Variants in UTRN observed in about 807,000 individuals in gnomAD.
UTRN encodes utrophin, also known as dystrophin-related protein 1.
UTRN carries 283 observed loss-of-function variants against 463.9 expected under a neutral mutation model. The ratio of observed to expected loss-of-function variants is 0.61; its 90% CI spans 0.55 to 0.67. UTRN has a LOEUF of 0.67. UTRN is among the 30% of genes least tolerant of loss of function. UTRN has a pLI of 0.00. For synonymous variants in UTRN, 1,442 were observed against 1,431.5 expected (o/e 1.01, Z -0.17); for missense variants, 3,922 against 4,084.3 (o/e 0.96, Z 1.08).
intron 23 of UTRN, among the ~76,000 whole-genome samples, chr6:144,464,311 T>C (rs1442333233): frequency 6.6e-6 from 1 of 152,086 alleles, no homozygotes; most frequent in Non-Finnish European, 1.5e-5. Context: ...TAATGGGTAG[T>C]TCCAATGAAT....
chr6:144,620,359 TAGCTTCTG>T (rs1442919129), intron 51 of UTRN, among the ~76,000 whole-genome samples: 1 of 152,162 alleles, frequency 6.6e-6, no homozygotes, highest in Non-Finnish European at 1.5e-5. Context: ...ATTGCCCTTT[TAGCTTCTG>T]CTCCTGTTCT....
At chr6:144,524,642 C>G (rs1193885201) in intron 41 of UTRN, among the ~76,000 whole-genome samples, 2 of 152,110 alleles carry the variant, frequency 1.3e-5, no homozygotes, top group African/African-American at 4.8e-5. Context: ...CAAACAGTAA[C>G]AGTTTGAGTT....
intron 34 of UTRN, among the ~76,000 whole-genome samples, chr6:144,509,810 A>T (rs1329088205): frequency 6.6e-6 from 1 of 152,158 alleles, no homozygotes; most frequent in East Asian, 1.9e-4. Flanking sequence ...ACTGTAAAAA[A>T]GTATGTGTAC....
intron 55 of UTRN, among the ~76,000 whole-genome samples, chr6:144,750,735 T>C (rs1791302091): frequency 6.6e-6 from 1 of 152,212 alleles, no homozygotes; most frequent in African/African-American, 2.4e-5. Flanking sequence ...ATTGCTCAAA[T>C]ATCATTTTTG....
chr6:144,601,269 G>GT (rs1353855949), intron 51 of UTRN, among the ~76,000 whole-genome samples: 4 of 152,160 alleles, frequency 2.6e-5, no homozygotes, highest in Admixed American at 2.6e-4. Context: ...GCTAAAGATA[G>GT]TAATTCCTTT....
chr6:144,532,423 CGGCA>C (rs1333020862), intron 42 of UTRN, among the ~76,000 whole-genome samples: 9 of 152,072 alleles, frequency 5.9e-5, no homozygotes, highest in Non-Finnish European at 1.3e-4. Flanking sequence ...CTTCATATGG[CGGCA>C]GGAGAGAGAA....
At chr6:144,448,883 T>A in intron 17 of UTRN, 114 bp downstream of exon 17, 4 of 1,237,648 alleles carry the variant, frequency 3.2e-6, no homozygotes, top group Non-Finnish European at 4.4e-6. Flanking sequence ...ATAATAAGTA[T>A]TATTATTATG....
intron 52 of UTRN, among the ~76,000 whole-genome samples, chr6:144,686,183 C>T (rs1385864178): frequency 6.6e-6 from 1 of 152,006 alleles, no homozygotes; most frequent in East Asian, 1.9e-4. Flanking sequence ...TTTTTGTGTG[C>T]TTTGTCAAAA....
At chr6:144,637,951 A>G (rs984196137) in intron 51 of UTRN, among the ~76,000 whole-genome samples, 3 of 152,208 alleles carry the variant, frequency 2.0e-5, no homozygotes, top group African/African-American at 4.8e-5. Context: ...AGTGAATAGG[A>G]GGATTCAGGA....
chr6:144,774,875 G>A (rs939151882), intron 60 of UTRN, among the ~76,000 whole-genome samples: 30 of 152,260 alleles, frequency 2.0e-4, no homozygotes, highest in African/African-American at 7.2e-4. Flanking sequence ...TCCTGTGGAG[G>A]ATGTGTTCAG....
intron 2 of UTRN, among the ~76,000 whole-genome samples, chr6:144,355,678 T>C (rs1237174043): frequency 8.5e-5 from 13 of 152,322 alleles, no homozygotes. Flanking sequence ...TATAGAAAAG[T>C]TGCAAAGATG....
intron 46 of UTRN, among the ~76,000 whole-genome samples, chr6:144,547,287 G>A (rs1201118558): frequency 6.6e-6 from 1 of 152,096 alleles, no homozygotes; most frequent in Non-Finnish European, 1.5e-5. Context: ...TTCTTTGTCT[G>A]CAATGGGCAT....
intron 39 of UTRN, among the ~76,000 whole-genome samples, chr6:144,518,433 T>G (rs9496994): frequency 6.6e-6 from 1 of 152,224 alleles, no homozygotes; most frequent in Non-Finnish European, 1.5e-5. Context: ...GCTATGCTGG[T>G]TTTTCTTTAC....
At chr6:144,655,799 A>T (rs533604734) in intron 51 of UTRN, among the ~76,000 whole-genome samples, 4 of 152,242 alleles carry the variant, frequency 2.6e-5, no homozygotes, top group Non-Finnish European at 4.4e-5. Flanking sequence ...TGAGCTGTAA[A>T]GAATCTTTTA....
At chr6:144,369,530 C>A (rs1038492094) in intron 2 of UTRN, among the ~76,000 whole-genome samples, 2 of 152,186 alleles carry the variant, frequency 1.3e-5, no homozygotes, top group African/African-American at 4.8e-5. Context: ...GCAGGAGAAT[C>A]GCTTGAACCT....
intron 51 of UTRN, among the ~76,000 whole-genome samples, chr6:144,652,636 G>C (rs1332010433): frequency 6.6e-6 from 1 of 152,204 alleles, no homozygotes; most frequent in Non-Finnish European, 1.5e-5. Flanking sequence ...CACAGTATTA[G>C]ATGACAATAG....
chr6:144,502,376 A>G (rs192440864), intron 34 of UTRN, among the ~76,000 whole-genome samples: 2 of 152,142 alleles, frequency 1.3e-5, no homozygotes, highest in African/African-American at 4.8e-5. Flanking sequence ...CGTCATCTAC[A>G]TTAGGTATTT....
chr6:144,495,535 C>A (rs542522768), intron 33 of UTRN, among the ~76,000 whole-genome samples: 63 of 152,346 alleles, frequency 4.1e-4, no homozygotes, highest in African/African-American at 1.4e-3. Context: ...CTCCACACCT[C>A]CCTGCAAGCT....
intron 51 of UTRN, among the ~76,000 whole-genome samples, chr6:144,625,022 A>G (rs965523619): frequency 2.0e-5 from 3 of 152,222 alleles, no homozygotes; most frequent in African/African-American, 7.2e-5. Flanking sequence ...ATTCCATTTC[A>G]CTTTCCACAG....
Sources: allele counts gnomAD v4.1 joint callset (sites outside exome capture counted in the v4.1 genomes callset), GRCh38; gene constraint gnomAD v4.1.1; transcripts MANE v1.5; gene names NCBI Gene and HGNC (gene_info 2026-07-23, HGNC 2026-07-21).